The following KDM6A variants were observed in gnomAD, a reference collection of about 807,000 sequenced individuals.
The protein encoded by KDM6A is lysine demethylase 6A, also known as lysine-specific demethylase 6A.
KDM6A carries 11 observed loss-of-function variants against 117.6 expected under a neutral mutation model. The observed-to-expected ratio is 0.09, with a 90% CI of 0.06 to 0.15. The LOEUF (loss-of-function observed/expected upper bound fraction) is 0.15, where lower values mean the gene tolerates loss of function less well. Among genes scored for constraint, KDM6A ranks in the 10% least tolerant of loss-of-function variants. KDM6A has a pLI of 1.00. For missense variants in KDM6A, 799 were observed against 1,077.3 expected (o/e 0.74, Z 3.62); for synonymous variants, 384 against 396.1 (o/e 0.97, Z 0.36).
intron 2 of KDM6A, among the ~76,000 whole-genome samples, chrX:44,899,378 G>C (rs965434465): frequency 5.5e-5 from 6 of 108,207 alleles, no homozygotes; most frequent in African/African-American, 2.0e-4. Context: ...TGTTAGATTA[G>C]CTATATGCCC....
chrX:44,887,856 A>C (rs1013071688), intron 2 of KDM6A, among the ~76,000 whole-genome samples: 1 of 111,281 alleles, frequency 9.0e-6, no homozygotes, highest in Non-Finnish European at 1.9e-5. Context: ...TTTTAAATTT[A>C]GATTAGCTGG....
intron 3 of KDM6A, among the ~76,000 whole-genome samples, chrX:44,971,355 A>G (rs1050121512): frequency 3.6e-5 from 4 of 111,849 alleles, no homozygotes; most frequent in African/African-American, 1.3e-4. Context: ...AAAGATGAGC[A>G]TTATTCATAT....
chrX:44,875,389 A>G (rs1457229097), intron 2 of KDM6A, among the ~76,000 whole-genome samples: 1 of 111,656 alleles, frequency 9.0e-6, no homozygotes, highest in African/African-American at 3.3e-5. Flanking sequence ...AGAAAACTAA[A>G]TGGAAATAAT....
rs1008883350 is a variant in KDM6A at position 44,913,044 on chromosome X, T to C, written c.225+39057T>C. ...ATCTTTGGATAACAAGGGTTTGAAC[T>C]GCGTGGGCCCACTTACATACGGATT... On this transcript the variant is annotated intron_variant, in intron 2 of 29. Transcript: ENST00000611820. Among the ~76,000 whole-genome samples the C allele has an allele frequency of 2.7e-5, 3 of 111,589 alleles. No individual in the cohort carries two copies. In the Admixed American group the frequency reaches 2.9e-4, roughly 11 times the overall value.
rs760461581 is a variant in KDM6A at position 45,111,583 on chromosome X, C to A, written c.*172C>A. The A allele has an allele frequency of 2.2e-6, 1 of 451,180 alleles. No homozygotes were observed. Among genetic ancestry groups the A allele is most frequent in the Admixed American group, 3.4e-5 (1 of 29,129 alleles). 37.2% of individuals were successfully genotyped at this position (451,180 alleles called of 1,213,427 possible). A position where few individuals can be genotyped will look rare whatever the true frequency, so the allele number is the denominator to read the frequency against. ...TGGACGGGAGAGAGTACTGCTCCTA[C>A]TCCAGGACTCTCACAAAGCTGATGA... On this transcript the variant is annotated 3_prime_UTR_variant, in exon 30 of 30. Transcript: ENST00000611820.
At chrX:45,041,595 G>A (rs1265323247) in intron 8 of KDM6A, among the ~76,000 whole-genome samples, 1 of 111,977 alleles carries the variant, frequency 8.9e-6, no homozygotes, top group Non-Finnish European at 1.9e-5. Context: ...GGGCAGAGAC[G>A]CTCCTCACCT....
intron 8 of KDM6A, among the ~76,000 whole-genome samples, chrX:45,048,900 A>G (rs2043706429): frequency 1.9e-5 from 2 of 106,270 alleles, no homozygotes; most frequent in African/African-American, 7.7e-5. Flanking sequence ...TTTTTTACAC[A>G]TCGTTTATAA....
intron 2 of KDM6A, among the ~76,000 whole-genome samples, chrX:44,880,884 TAGAAG>T (rs1362398220): frequency 8.9e-6 from 1 of 112,261 alleles, no homozygotes; most frequent in East Asian, 2.8e-4. Context: ...TGTCTATAGT[TAGAAG>T]AGATACTTGT....
At chrX:45,030,264 T>A (rs1462244459) in intron 6 of KDM6A, among the ~76,000 whole-genome samples, 1 of 106,827 alleles carries the variant, frequency 9.4e-6, no homozygotes, top group Non-Finnish European at 1.9e-5. Flanking sequence ...ATTTTGAACA[T>A]CTTCAGTATA....
Position 44,942,897 on chromosome X carries a change from A to G in KDM6A, c.226-18387A>G, listed in dbSNP as rs754033550. 9.2e-4 allele frequency among the ~76,000 whole-genome samples: 102 copies of G among 110,739 alleles called. 1 individual carries two copies. Among genetic ancestry groups the G allele is most frequent in the Non-Finnish European group, 1.8e-3 (94 of 52,953 alleles). ...TATATTCACCTTGAATATTACACTT[A>G]TCGGTTCTAGTATTTAATTTCAACT... On this transcript the variant is annotated intron_variant, in intron 2 of 29. Coordinates refer to ENST00000611820, the MANE Select transcript of KDM6A (RefSeq NM_001291415.2).
chrX:45,082,323 A>C (rs1195017099), intron 21 of KDM6A: 1 of 362,592 alleles, frequency 2.8e-6, no homozygotes, highest in Admixed American at 4.6e-5. Flanking sequence ...AGTCCCAGCT[A>C]CTGAGGAGGC....
At chrX:45,083,848 G>A (rs1250028056) in intron 24 of KDM6A, among the ~76,000 whole-genome samples, 1 of 111,260 alleles carries the variant, frequency 9.0e-6, no homozygotes, top group African/African-American at 3.3e-5. Context: ...GAGCACCACT[G>A]GGAAATAAGT....
At chrX:44,896,574 A>G (rs2033871803) in intron 2 of KDM6A, among the ~76,000 whole-genome samples, 1 of 107,972 alleles carries the variant, frequency 9.3e-6, no homozygotes, top group Admixed American at 1.0e-4. Flanking sequence ...CCTATTCCAA[A>G]GTTCTTTTTT....
intron 2 of KDM6A, among the ~76,000 whole-genome samples, chrX:44,902,129 C>T (rs372098644): frequency 9.0e-6 from 1 of 110,862 alleles, no homozygotes; most frequent in East Asian, 2.9e-4. Flanking sequence ...ACTTGGGAGG[C>T]TGAGGCAGGA....
chrX:44,940,633 A>G (rs1190352200), intron 2 of KDM6A, among the ~76,000 whole-genome samples: 1 of 112,052 alleles, frequency 8.9e-6, no homozygotes, highest in Non-Finnish European at 1.9e-5. Context: ...TTTGTCATTC[A>G]TTCTTTCGAG....
At chrX:44,993,663 C>G (rs758675691) in intron 4 of KDM6A, among the ~76,000 whole-genome samples, 56 of 111,323 alleles carry the variant, frequency 5.0e-4, no homozygotes, top group Middle Eastern at 4.6e-3. Flanking sequence ...GTCAAGAGAT[C>G]GAGACCATCC....
At chrX:44,983,571 AC>A (rs1366473982) in intron 4 of KDM6A, among the ~76,000 whole-genome samples, 1 of 36,137 alleles carries the variant, frequency 2.8e-5, no homozygotes, top group African/African-American at 1.1e-4. Context: ...CCCTCCCCCC[AC>A]CCCACGACAG....
At chrX:45,063,118 A>G (rs1358341234) in intron 16 of KDM6A, among the ~76,000 whole-genome samples, 2 of 110,783 alleles carry the variant, frequency 1.8e-5, no homozygotes, top group African/African-American at 3.3e-5. Context: ...AGAAGGACCT[A>G]TAAGTTCGGG....
At chrX:44,968,958 G>T (rs2039174342) in intron 3 of KDM6A, among the ~76,000 whole-genome samples, 1 of 79,719 alleles carries the variant, frequency 1.3e-5, no homozygotes, top group Non-Finnish European at 2.3e-5. Flanking sequence ...CAGTAAGAAT[G>T]AAACTCCATC....
Sources: allele counts gnomAD v4.1 joint callset (sites outside exome capture counted in the v4.1 genomes callset), GRCh38; gene constraint gnomAD v4.1.1; transcripts MANE v1.5; gene names NCBI Gene and HGNC (gene_info 2026-07-23, HGNC 2026-07-21).